Variants in KCNMA1 observed in about 807,000 individuals in gnomAD.
KCNMA1 encodes the protein Calcium-activated potassium channel subunit alpha-1.
A neutral mutation model predicts 140.0 loss-of-function variants in KCNMA1; 29 were observed. That is an observed-to-expected ratio of 0.21 (90% CI 0.15 to 0.28). The LOEUF is 0.28. KCNMA1 is among the 10% of genes least tolerant of loss of function. The pLI, the probability that KCNMA1 is intolerant of heterozygous loss-of-function variation, is 1.00. For synonymous variants in KCNMA1, 612 were observed against 611.9 expected, an observed-to-expected ratio of 1.00 and a Z score of 0.00; for missense variants, 880 against 1,602.2, an observed-to-expected ratio of 0.55 and a Z score of 7.70.
At chr10:77,523,088 C>T (rs1441402072) in intron 1 of KCNMA1, among the ~76,000 whole-genome samples, 1 of 152,028 alleles carries the variant, frequency 6.6e-6, no homozygotes, top group Non-Finnish European at 1.5e-5. Context: ...TCATGCTCTT[C>T]CCAGCTATCT....
At chr10:77,427,376 C>T (rs181054657) in intron 1 of KCNMA1, among the ~76,000 whole-genome samples, 8 of 152,310 alleles carry the variant, frequency 5.3e-5, no homozygotes, top group South Asian at 2.1e-4. Context: ...TGTTATTGGA[C>T]GGGTTCTTAA....
chr10:77,301,757 T>C (rs1412219110), intron 2 of KCNMA1, among the ~76,000 whole-genome samples: 1 of 150,938 alleles, frequency 6.6e-6, no homozygotes, highest in Non-Finnish European at 1.5e-5. Flanking sequence ...AAATATCTGA[T>C]TGGGCACTAA....
chr10:77,158,543 C>G (rs969356064), intron 5 of KCNMA1, among the ~76,000 whole-genome samples: 18 of 152,080 alleles, frequency 1.2e-4, no homozygotes, highest in African/African-American at 3.9e-4. Context: ...CATAGTCCCC[C>G]CCTCCATGAT....
intron 23 of KCNMA1, among the ~76,000 whole-genome samples, chr10:76,934,865 T>A (rs1275064468): frequency 5.9e-5 from 9 of 152,204 alleles, no homozygotes; most frequent in Non-Finnish European, 1.2e-4. Flanking sequence ...TTCATTCTCA[T>A]CTGCTGTCAC....
At chr10:77,306,148 G>A (rs917253605) in intron 2 of KCNMA1, among the ~76,000 whole-genome samples, 1 of 152,208 alleles carries the variant, frequency 6.6e-6, no homozygotes, top group African/African-American at 2.4e-5. Flanking sequence ...AGAGCCTGCT[G>A]AGCTGCAGGC....
chr10:77,511,255 A>AT (rs2048289614), intron 1 of KCNMA1, among the ~76,000 whole-genome samples: 1 of 152,222 alleles, frequency 6.6e-6, no homozygotes, highest in African/African-American at 2.4e-5. Flanking sequence ...CAGGGACCCC[A>AT]TTTTGAGAAC....
At chr10:77,163,447 T>C (rs1031696258) in intron 5 of KCNMA1, among the ~76,000 whole-genome samples, 3 of 152,178 alleles carry the variant, frequency 2.0e-5, no homozygotes, top group African/African-American at 7.2e-5. Flanking sequence ...TTCTATAGAA[T>C]GGAACTTGGG....
intron 1 of KCNMA1, among the ~76,000 whole-genome samples, chr10:77,416,244 G>T (rs2096739085): frequency 6.6e-6 from 1 of 152,144 alleles, no homozygotes; most frequent in Non-Finnish European, 1.5e-5. Flanking sequence ...GCCAGGAAAG[G>T]TAGGGTCTGA....
At chr10:77,304,412 C>T (rs2077202758) in intron 2 of KCNMA1, 1 of 152,168 alleles carries the variant, frequency 6.6e-6, no homozygotes, top group African/African-American at 2.4e-5. Flanking sequence ...GCCCCTAACC[C>T]CAGGATTTCC....
intron 1 of KCNMA1, among the ~76,000 whole-genome samples, chr10:77,480,993 G>A (rs934594732): frequency 4.0e-5 from 6 of 150,290 alleles, no homozygotes; most frequent in Non-Finnish European, 8.9e-5. Flanking sequence ...AGTGGCGGGC[G>A]CCTGTAATCC....
At position 77,637,429 on chromosome 10, in the gene KCNMA1, G is replaced by GGAT; in HGVS notation, c.211_213dup (p.Ile71dup). ...TCGCACGGCACCTCCATGGTCACCG[G>GGAT]GATGATGAGCGCATCCATCTTGGGC... On this transcript the variant is annotated inframe_insertion, in exon 1 of 28. Coordinates refer to ENST00000286628, the MANE Select transcript of KCNMA1 (RefSeq NM_001161352.2). 1 of 1,613,728 alleles carries GGAT rather than the reference G, an allele frequency of 6.2e-7. No individual in the cohort carries two copies. Among genetic ancestry groups the GGAT allele is most frequent in the South Asian group, 1.1e-5 (1 of 90,906 alleles).
intron 14 of KCNMA1, among the ~76,000 whole-genome samples, chr10:77,039,871 T>TTTTTTC (rs558526301): frequency 1.5e-5 from 2 of 131,740 alleles, no homozygotes; most frequent in Admixed American, 8.7e-5. Context: ...TTCCTTTTTC[T>TTTTTTC]TTTTTCTTTT....
chr10:77,178,893 G>C (rs1486771247), intron 5 of KCNMA1, among the ~76,000 whole-genome samples: 1 of 152,136 alleles, frequency 6.6e-6, no homozygotes, highest in African/African-American at 2.4e-5. Context: ...GTGAGGTTTG[G>C]ATTTGTAAGG....
In KCNMA1 at chr10:77,593,806, G is replaced by T. The variant is rs562161527; in HGVS notation, c.378+43459C>A. Among the ~76,000 whole-genome samples, 4 of 152,266 alleles carry T rather than the reference G, an allele frequency of 2.6e-5. No homozygotes were observed. The East Asian group carries it at 7.7e-4, about 29-fold the overall frequency. On this transcript the variant is annotated intron_variant, in intron 1 of 27. Transcript: ENST00000286628. Reference sequence around the variant, plus strand: ...AACCTGTGCAACCATCTGTGATTTTGTCTCTCTAGTTTTTGACCAGGTTAG... The same window carrying T: ...AACCTGTGCAACCATCTGTGATTTTTTCTCTCTAGTTTTTGACCAGGTTAG...
intron 1 of KCNMA1, among the ~76,000 whole-genome samples, chr10:77,512,331 T>C (rs535566358): frequency 1.8e-4 from 27 of 152,334 alleles, no homozygotes; most frequent in African/African-American, 6.3e-4. Context: ...TTACCCACAG[T>C]ACAGTACAAT....
chr10:77,157,020 C>T (rs775847358), intron 5 of KCNMA1, among the ~76,000 whole-genome samples: 3 of 152,222 alleles, frequency 2.0e-5, no homozygotes, highest in Non-Finnish European at 2.9e-5. Flanking sequence ...GCCAGACTCA[C>T]ATTAATTAAA....
intron 9 of KCNMA1, among the ~76,000 whole-genome samples, chr10:77,103,572 A>G (rs2097142896): frequency 6.6e-6 from 1 of 152,200 alleles, no homozygotes; most frequent in African/African-American, 2.4e-5. Context: ...AGATCACTAC[A>G]ATTCTCCATG....
chr10:77,112,285 G>C, intron 7 of KCNMA1, 82 bp downstream of exon 7: 1 of 990,628 alleles, frequency 1.0e-6, no homozygotes. Flanking sequence ...TTTCCAGCAA[G>C]ATAAATTTTA....
intron 2 of KCNMA1, among the ~76,000 whole-genome samples, chr10:77,260,136 G>A (rs1831912942): frequency 6.6e-6 from 1 of 152,286 alleles, no homozygotes; most frequent in Admixed American, 6.5e-5. Context: ...GGAGCAGGAA[G>A]AAGAGCACCG....
Sources: gnomAD v4.1 joint callset for allele counts (sites outside exome capture counted in the v4.1 genomes callset) on GRCh38, gnomAD v4.1.1 for gene constraint, MANE v1.5 for transcripts, NCBI Gene and HGNC (gene_info 2026-07-23, HGNC 2026-07-21) for gene names.